The following RARB variants were observed in gnomAD, a reference collection of about 807,000 sequenced individuals.
The protein encoded by RARB is retinoic acid receptor beta.
RARB carries 17 observed loss-of-function variants against 51.9 expected under a neutral mutation model. The ratio of observed to expected loss-of-function variants is 0.33; its 90% CI spans 0.22 to 0.49. The LOEUF is 0.49. Ranked by LOEUF, RARB falls within the 20% of genes least tolerant of loss-of-function variation. RARB has a pLI of 0.99. For synonymous variants in RARB, 215 were observed against 195.4 expected (o/e 1.10, Z -0.84); for missense variants, 369 against 550.8 (o/e 0.67, Z 3.30).
intron 5 of RARB, among the ~76,000 whole-genome samples, chr3:25,248,625 C>G (rs1702628404): frequency 6.6e-6 from 1 of 152,044 alleles, no homozygotes; most frequent in Non-Finnish European, 1.5e-5. Context: ...TTTTACAGGA[C>G]AATACTAGTG....
intron 3 of RARB, among the ~76,000 whole-genome samples, chr3:25,544,925 T>C (rs1457319307): frequency 1.3e-5 from 2 of 152,002 alleles, no homozygotes; most frequent in Non-Finnish European, 2.9e-5. Flanking sequence ...AAATCAGGGA[T>C]TTTATTCTGT....
intron 5 of RARB, among the ~76,000 whole-genome samples, chr3:25,381,803 T>C (rs764663519): frequency 1.8e-4 from 28 of 152,320 alleles, no homozygotes; most frequent in Non-Finnish European, 3.4e-4. Flanking sequence ...ATGAGAAACC[T>C]GGAGGGTGGG....
At chr3:25,522,458 A>G (rs1027255159) in intron 3 of RARB, among the ~76,000 whole-genome samples, 4 of 152,168 alleles carry the variant, frequency 2.6e-5, no homozygotes, top group Non-Finnish European at 5.9e-5. Context: ...TCAACATTGA[A>G]GTTTTCTTTA....
At chr3:25,221,958 T>C (rs1029804298) in intron 5 of RARB, among the ~76,000 whole-genome samples, 4 of 152,170 alleles carry the variant, frequency 2.6e-5, no homozygotes, top group Admixed American at 6.5e-5. Flanking sequence ...TTAGCACATG[T>C]TGTATCCTGT....
At chr3:25,283,226 C>G (rs1703567395) in intron 5 of RARB, among the ~76,000 whole-genome samples, 1 of 152,138 alleles carries the variant, frequency 6.6e-6, no homozygotes, top group Non-Finnish European at 1.5e-5. Context: ...AAGCTCTGTC[C>G]TCTCTTAGAA....
At chr3:25,557,810 T>C (rs889165999) in intron 3 of RARB, among the ~76,000 whole-genome samples, 3 of 152,036 alleles carry the variant, frequency 2.0e-5, no homozygotes, top group African/African-American at 7.2e-5. Context: ...GTTCACACAA[T>C]CACATGAGCT....
At chr3:25,261,166 A>G (rs1702988271) in intron 5 of RARB, among the ~76,000 whole-genome samples, 1 of 152,106 alleles carries the variant, frequency 6.6e-6, no homozygotes, top group Non-Finnish European at 1.5e-5. Flanking sequence ...CATAATGAAT[A>G]CTCAAGAAGT....
intron 5 of RARB, among the ~76,000 whole-genome samples, chr3:25,205,230 C>T (rs538289801): frequency 1.2e-4 from 19 of 152,278 alleles, no homozygotes; most frequent in South Asian, 4.1e-4. Context: ...GAGCCAGGCG[C>T]GGGATATAAT....
chr3:25,210,553 T>TGTTTTTTTTTTTTGA (rs1701670992), intron 5 of RARB, among the ~76,000 whole-genome samples: 1 of 82,498 alleles, frequency 1.2e-5, no homozygotes, highest in East Asian at 4.1e-4. Flanking sequence ...TTTTTTTTTT[T>TGTTTTTTTTTTTTGA]GAGATTGAGT....
chr3:25,064,320 T>G (rs1244868421), intron 3 of RARB, among the ~76,000 whole-genome samples: 3 of 152,148 alleles, frequency 2.0e-5, no homozygotes, highest in Non-Finnish European at 4.4e-5. Context: ...TCTCTCAATT[T>G]TATGGGAGCT....
intron 2 of RARB, among the ~76,000 whole-genome samples, chr3:24,901,271 G>T (rs2125371661): frequency 6.6e-6 from 1 of 152,334 alleles, no homozygotes; most frequent in African/African-American, 2.4e-5. Flanking sequence ...AGGAACCCAG[G>T]AGTATTACGG....
At chr3:24,920,387 A>T (rs1054918839) in intron 2 of RARB, among the ~76,000 whole-genome samples, 11 of 152,238 alleles carry the variant, frequency 7.2e-5, no homozygotes, top group African/African-American at 2.4e-4. Flanking sequence ...GAAAACTTCA[A>T]ATCAGGAAAT....
rs533811799 is a variant in RARB at position 25,337,893 on chromosome 3, G to T, written c.179-123300G>T. Among the ~76,000 whole-genome samples the T allele has an allele frequency of 2.9e-4, 44 of 152,190 alleles. No homozygotes were observed. In the South Asian group the frequency reaches 8.7e-3, roughly 30 times the overall value. ...TAGAGTGGATACTCAATAAATATTT[G>T]TTGGATTAATAAATTAATGAATTTA... On this transcript the variant is annotated intron_variant, in intron 5 of 11. Coordinates refer to the RARB transcript ENST00000383772.
intron 1 of RARB, among the ~76,000 whole-genome samples, chr3:25,452,663 G>C: frequency 1.2e-5 from 1 of 83,878 alleles, no homozygotes; most frequent in Non-Finnish European, 2.2e-5. Context: ...AATTTAAAAA[G>C]CGGGGGGGGT....
chr3:25,240,892 T>C (rs1702415849), intron 5 of RARB, among the ~76,000 whole-genome samples: 1 of 152,172 alleles, frequency 6.6e-6, no homozygotes, highest in Admixed American at 6.5e-5. Flanking sequence ...CTTTTTAGAA[T>C]TGTTTGAGAA....
At chr3:25,406,419 C>T (rs1312165181) in intron 5 of RARB, among the ~76,000 whole-genome samples, 1 of 152,198 alleles carries the variant, frequency 6.6e-6, no homozygotes, top group Non-Finnish European at 1.5e-5. Context: ...GCTAAAAGTC[C>T]AAGATCAGGG....
At chr3:25,081,210 G>T (rs1224075547) in intron 3 of RARB, among the ~76,000 whole-genome samples, 1 of 151,874 alleles carries the variant, frequency 6.6e-6, no homozygotes, top group Non-Finnish European at 1.5e-5. Context: ...TTAGAAATAT[G>T]TTGCTAATTT....
At position 25,165,625 on chromosome 3, in the gene RARB, G is replaced by C. The variant is rs567099074; in HGVS notation, c.-279-8494G>C. On this transcript the variant is annotated intron_variant, in intron 4 of 11. Transcript: ENST00000383772. ...GTTGTACAAGGAGTTGCCTACCACC[G>C]CTTTTCTCAAAAACAAGCAATGGTC... Among the ~76,000 whole-genome samples the C allele has an allele frequency of 9.2e-5, 14 of 152,182 alleles. No homozygotes were observed. In the South Asian group the frequency reaches 2.5e-3, roughly 27 times the overall value.
At chr3:25,203,345 T>G (rs1321064198) in intron 5 of RARB, among the ~76,000 whole-genome samples, 1 of 152,360 alleles carries the variant, frequency 6.6e-6, no homozygotes, top group Admixed American at 6.5e-5. Flanking sequence ...GAGATGGGTT[T>G]CCTGAATACA....
Sources: allele counts gnomAD v4.1 joint callset (sites outside exome capture counted in the v4.1 genomes callset), GRCh38; gene constraint gnomAD v4.1.1; transcripts MANE v1.5; gene names NCBI Gene and HGNC (gene_info 2026-07-23, HGNC 2026-07-21).